Variants in DPF3 observed in about 807,000 individuals in gnomAD.
DPF3 encodes double PHD fingers 3, also known as zinc finger protein DPF3.
Under a neutral mutation model 56.8 loss-of-function variants are expected in DPF3, and 18 were observed. That is an observed-to-expected ratio of 0.32 (90% CI 0.22 to 0.47). The LOEUF (loss-of-function observed/expected upper bound fraction) is 0.47, where lower values mean the gene tolerates loss of function less well. Among genes scored for constraint, DPF3 ranks in the 20% least tolerant of loss-of-function variants. The pLI is 1.00. For synonymous variants in DPF3, 188 were observed against 180.2 expected, an observed-to-expected ratio of 1.04 and a Z score of -0.35; for missense variants, 403 against 488.8, an observed-to-expected ratio of 0.82 and a Z score of 1.65.
At chr14:72,866,758 A>G (rs1198734756) in intron 1 of DPF3, among the ~76,000 whole-genome samples, 2 of 150,768 alleles carry the variant, frequency 1.3e-5, no homozygotes, top group African/African-American at 4.9e-5. Flanking sequence ...CGGGAGGCTG[A>G]GACAGGAGAA....
At chr14:72,829,998 G>A (rs1029279052) in intron 1 of DPF3, among the ~76,000 whole-genome samples, 1 of 152,072 alleles carries the variant, frequency 6.6e-6, no homozygotes, top group Admixed American at 6.6e-5. Flanking sequence ...CGCCCACCTC[G>A]GCTTCCCAAA....
At chr14:72,670,695 T>C in intron 8 of DPF3, 1 of 997,872 alleles carries the variant, frequency 1.0e-6, no homozygotes, top group South Asian at 4.4e-5. Context: ...AGCTAGAATA[T>C]ATAAATAATA....
At chr14:72,831,173 A>C (rs1884041839) in intron 1 of DPF3, among the ~76,000 whole-genome samples, 1 of 152,130 alleles carries the variant, frequency 6.6e-6, no homozygotes, top group East Asian at 1.9e-4. Context: ...AGCAAGGCAA[A>C]CGGCAGATTA....
intron 1 of DPF3, among the ~76,000 whole-genome samples, chr14:72,857,045 A>T (rs190281268): frequency 6.6e-6 from 1 of 152,312 alleles, no homozygotes; most frequent in East Asian, 1.9e-4. Flanking sequence ...GGCCTGGAGG[A>T]GGTCCCTGGA....
At chr14:72,841,582 G>GA (rs1004762703) in intron 1 of DPF3, among the ~76,000 whole-genome samples, 3 of 151,702 alleles carry the variant, frequency 2.0e-5, no homozygotes, top group South Asian at 2.1e-4. Context: ...GTCTATTCTT[G>GA]AAAAAAAATG....
chr14:72,770,511 G>T (rs2052146), intron 2 of DPF3, among the ~76,000 whole-genome samples: 142,196 of 152,288 alleles, frequency 0.93, 66,479 homozygotes, highest in East Asian at 1. Flanking sequence ...GATTGTGAGT[G>T]TGTTTGTTTG....
chr14:72,872,119 C>A (rs59369266), intron 1 of DPF3, among the ~76,000 whole-genome samples: 5 of 152,002 alleles, frequency 3.3e-5, no homozygotes, highest in Admixed American at 6.6e-5. Flanking sequence ...AGTCACAGCC[C>A]GAGCTATATG....
At chr14:72,651,551 T>G (rs1430733182) in intron 8 of DPF3, among the ~76,000 whole-genome samples, 1 of 152,100 alleles carries the variant, frequency 6.6e-6, no homozygotes, top group Non-Finnish European at 1.5e-5. Context: ...AGAAAGTAAT[T>G]TTTTGAATGT....
chr14:72,645,745 T>C (rs1315805262), intron 8 of DPF3, among the ~76,000 whole-genome samples: 1 of 151,992 alleles, frequency 6.6e-6, no homozygotes, highest in Non-Finnish European at 1.5e-5. Flanking sequence ...AACCCCACCA[T>C]ACCACAGAAA....
At chr14:72,757,745 T>C (rs1011411131) in intron 2 of DPF3, among the ~76,000 whole-genome samples, 2 of 152,204 alleles carry the variant, frequency 1.3e-5, no homozygotes, top group Admixed American at 6.5e-5. Flanking sequence ...GTAGGTTATA[T>C]GCAAATACTA....
intron 4 of DPF3, among the ~76,000 whole-genome samples, chr14:72,729,093 C>T (rs892655710): frequency 2.0e-5 from 3 of 151,830 alleles, no homozygotes; most frequent in Admixed American, 1.3e-4. Flanking sequence ...ACTAAAAATA[C>T]AAAAATCAGC....
intron 3 of DPF3, among the ~76,000 whole-genome samples, chr14:72,747,623 T>C (rs1352912419): frequency 1.7e-5 from 2 of 116,982 alleles, no homozygotes; most frequent in African/African-American, 6.3e-5. Flanking sequence ...CCCCCGTCTC[T>C]ACAAAAAAAA....
chr14:72,827,591 C>T (rs1186387963), intron 1 of DPF3, among the ~76,000 whole-genome samples: 1 of 143,364 alleles, frequency 7.0e-6, no homozygotes, highest in Non-Finnish European at 1.5e-5. Flanking sequence ...TTCTCCCTGT[C>T]TCAGCCTCCC....
rs568618428 is a variant in DPF3, at chr14:72,757,863, A to C, written c.194-4492T>G. On this transcript the variant is annotated intron_variant, in intron 2 of 10. Transcript: ENST00000556509. Reference sequence around the variant, plus strand: ...AGGATGGCTGTTATGTATATAACATACTATCATTTATTTAACAAATGGGGA... The same window carrying C: ...AGGATGGCTGTTATGTATATAACATCCTATCATTTATTTAACAAATGGGGA... Among the ~76,000 whole-genome samples, 28 of 152,286 alleles carry C rather than the reference A, an allele frequency of 1.8e-4. No individual in the cohort carries two copies. In the South Asian group the frequency reaches 5.4e-3, roughly 29 times the overall value.
chr14:72,690,567 C>G (rs576327813), intron 7 of DPF3, among the ~76,000 whole-genome samples: 1 of 151,418 alleles, frequency 6.6e-6, no homozygotes, highest in African/African-American at 2.4e-5. Flanking sequence ...CACGCACACA[C>G]ACAACGTACA....
chr14:72,736,111 CTAG>C, intron 3 of DPF3, among the ~76,000 whole-genome samples: 1 of 152,284 alleles, frequency 6.6e-6, no homozygotes, highest in Non-Finnish European at 1.5e-5. Context: ...TTTTAACTTA[CTAG>C]TAGTCACATG....
chr14:72,660,920 G>T, intron 8 of DPF3: 1 of 384,884 alleles, frequency 2.6e-6, no homozygotes, highest in Non-Finnish European at 3.6e-6. Context: ...AAAACAACAA[G>T]GTTCAACAAA....
chr14:72,648,539 G>A (rs1391723990), intron 8 of DPF3, among the ~76,000 whole-genome samples: 4 of 150,314 alleles, frequency 2.7e-5, no homozygotes, highest in African/African-American at 9.8e-5. Context: ...CTCCAGCCTG[G>A]GTGACAGAGT....
intron 8 of DPF3, among the ~76,000 whole-genome samples, chr14:72,659,765 G>A (rs913094924): frequency 6.6e-6 from 1 of 152,172 alleles, no homozygotes; most frequent in African/African-American, 2.4e-5. Context: ...TATAGGAAGT[G>A]GGTGATGTGT....
Sources: gnomAD v4.1 joint callset for allele counts (sites outside exome capture counted in the v4.1 genomes callset) on GRCh38, gnomAD v4.1.1 for gene constraint, MANE v1.5 for transcripts, NCBI Gene and HGNC (gene_info 2026-07-23, HGNC 2026-07-21) for gene names.